Variants in FUNDC2 observed in about 807,000 individuals in gnomAD.
The protein encoded by FUNDC2 is FUN14 domain containing 2.
In FUNDC2, 4 loss-of-function variants were observed where a neutral mutation model predicts 15.6. That is an observed-to-expected ratio of 0.26 (90% CI 0.13 to 0.59). The LOEUF is 0.59. Among genes scored for constraint, FUNDC2 ranks in the 20% least tolerant of loss-of-function variants. The pLI is 0.90. For synonymous variants in FUNDC2, 44 were observed against 56.9 expected, an observed-to-expected ratio of 0.77 and a Z score of 1.02; for missense variants, 98 against 149.7, an observed-to-expected ratio of 0.65 and a Z score of 1.80.
chrX:155,040,246 C>T (rs1341880118), intron 2 of FUNDC2, among the ~76,000 whole-genome samples: 2 of 111,777 alleles, frequency 1.8e-5, no homozygotes, highest in African/African-American at 6.5e-5. Flanking sequence ...AGTACATTCA[C>T]AATATTGTAC....
chrX:155,037,424 G>T (rs1436717564), intron 2 of FUNDC2, among the ~76,000 whole-genome samples: 3 of 110,955 alleles, frequency 2.7e-5, no homozygotes, highest in Non-Finnish European at 5.7e-5. Context: ...AAATGATACA[G>T]ATTAACTCAG....
intron 1 of FUNDC2, among the ~76,000 whole-genome samples, chrX:155,030,683 CTTTTTT>C (rs369740085): frequency 1.2e-5 from 1 of 85,644 alleles, no homozygotes; most frequent in African/African-American, 4.4e-5. Context: ...CTATTTTCTA[CTTTTTT>C]TTTTTTTTTT....
chrX:155,055,088 A>C lies in FUNDC2; in HGVS notation c.*416A>C, dbSNP rs2073889970. The C allele has an allele frequency of 1.0e-5, 3 of 296,834 alleles. No homozygotes were observed. Among genetic ancestry groups the C allele is most frequent in the Non-Finnish European group, 1.8e-5 (3 of 170,166 alleles). 24.5% of individuals were successfully genotyped at this position (296,834 alleles called of 1,213,427 possible). Reference sequence around the variant, plus strand: ...TGTGCTGCATGGAAAGGAACTGAATACATTTGCCTTTAAGCATGAAAGATT... The same window carrying C: ...TGTGCTGCATGGAAAGGAACTGAATCCATTTGCCTTTAAGCATGAAAGATT... On this transcript the variant is annotated 3_prime_UTR_variant, in exon 5 of 5. Coordinates refer to ENST00000369498, the MANE Select transcript of FUNDC2 (RefSeq NM_023934.4).
intron 3 of FUNDC2, among the ~76,000 whole-genome samples, chrX:155,048,682 A>C (rs1159733081): frequency 8.9e-6 from 1 of 112,797 alleles, no homozygotes; most frequent in African/African-American, 3.2e-5. Context: ...CATTGGAACC[A>C]TGTAGATATC....
In FUNDC2 at chrX:155,058,397, G is replaced by A. The variant is rs1368616919; in HGVS notation, c.*3725G>A. 1.8e-5 allele frequency: 2 copies of A among 111,617 alleles called. No homozygotes were observed. The highest frequency in any genetic ancestry group is 6.5e-5 in the African/African-American group (2 of 30,595). The allele number at this position is 111,617 out of a possible 1,213,427, so 9.2% of individuals were successfully genotyped here. A position where few individuals can be genotyped will look rare whatever the true frequency, so the allele number is the denominator to read the frequency against. ...TGTCAGAAAGATGGGCATAACTAATGGTTGGGCTCTTATTTGGAACCTCTA... is the reference window on the plus strand; with the variant it reads ...TGTCAGAAAGATGGGCATAACTAATAGTTGGGCTCTTATTTGGAACCTCTA... On this transcript the variant is annotated 3_prime_UTR_variant, in exon 5 of 5. Coordinates refer to ENST00000369498, the MANE Select transcript of FUNDC2 (RefSeq NM_023934.4).
chrX:155,050,382 G>A (rs1335807866), intron 3 of FUNDC2: 2 of 111,818 alleles, frequency 1.8e-5, no homozygotes, highest in Non-Finnish European at 3.8e-5. Context: ...CAGTTTGGTG[G>A]TGCTTTGAAT....
chrX:155,032,329 C>T (rs1368092377), intron 1 of FUNDC2, among the ~76,000 whole-genome samples: 2 of 91,955 alleles, frequency 2.2e-5, no homozygotes, highest in Non-Finnish European at 4.2e-5. Context: ...TCTTGTTGCG[C>T]AGGCTAGAGT....
chrX:155,056,834 C>G lies in FUNDC2; in HGVS notation c.*2162C>G. ...TTGTCTTTTGGTGCATCTGTTTTTCCTGTGATTATTGGTGAGGGCAGCAAA... is the reference window on the plus strand; with the variant it reads ...TTGTCTTTTGGTGCATCTGTTTTTCGTGTGATTATTGGTGAGGGCAGCAAA... On this transcript the variant is annotated 3_prime_UTR_variant, in exon 5 of 5. Transcript: ENST00000369498. 9.0e-6 allele frequency: 1 copy of G among 111,667 alleles called. No homozygotes were observed. Among genetic ancestry groups the G allele is most frequent in the Non-Finnish European group, 1.9e-5 (1 of 53,133 alleles). The allele number at this position is 111,667 out of a possible 1,213,427, so 9.2% of individuals were successfully genotyped here.
At position 155,057,545 on chromosome X, in the gene FUNDC2, G is replaced by C. The variant is rs782088429; in HGVS notation, c.*2873G>C. On this transcript the variant is annotated 3_prime_UTR_variant, in exon 5 of 5. Coordinates refer to ENST00000369498, the MANE Select transcript of FUNDC2 (RefSeq NM_023934.4). ...GGTTTCATCGCCCCCTTGTGGCGGC[G>C]ACGTGGTAACACCGCACTCAAGGCT... 9.0e-6 allele frequency: 1 copy of C among 111,443 alleles called. No homozygotes were observed. Among genetic ancestry groups the C allele is most frequent in the Non-Finnish European group, 1.9e-5 (1 of 53,068 alleles). 9.2% of individuals were successfully genotyped at this position (111,443 alleles called of 1,213,427 possible). A position where few individuals can be genotyped will look rare whatever the true frequency, so the allele number is the denominator to read the frequency against.
At chrX:155,048,774 C>T (rs1238492864) in intron 3 of FUNDC2, among the ~76,000 whole-genome samples, 2 of 112,290 alleles carry the variant, frequency 1.8e-5, no homozygotes, top group African/African-American at 3.2e-5. Flanking sequence ...TTTGAATAGA[C>T]TTTTTATTAT....
intron 2 of FUNDC2, among the ~76,000 whole-genome samples, chrX:155,034,811 G>A (rs1437461846): frequency 1.8e-5 from 2 of 112,130 alleles, no homozygotes; most frequent in African/African-American, 6.5e-5. Context: ...ATTTCCCTGA[G>A]TAGGAGTGAC....
intron 1 of FUNDC2, among the ~76,000 whole-genome samples, chrX:155,027,567 G>C (rs2073798464): frequency 8.9e-6 from 1 of 112,120 alleles, no homozygotes; most frequent in Non-Finnish European, 1.9e-5. Flanking sequence ...ACGTCTTTAA[G>C]TTATGCGTCT....
intron 3 of FUNDC2, 87 bp downstream of exon 3, chrX:155,046,671 C>A: frequency 1.4e-6 from 1 of 698,907 alleles, no homozygotes; most frequent in Non-Finnish European, 2.3e-6. Flanking sequence ...ACAGTCCTGG[C>A]TATGTCACAC....
chrX:155,046,555 G>T lies in FUNDC2; in HGVS notation c.331G>T (p.Ala111Ser). ...FQKVGKLAAT[A>S]VGGGFFLLQL... is the part of the protein sequence containing the mutation. ...GAAGGTTGGAAAGTTGGCTGCAACAGCTGTGGGAGGTGGATTTTTTCTCCT... is the reference window on the plus strand; with the variant it reads ...GAAGGTTGGAAAGTTGGCTGCAACATCTGTGGGAGGTGGATTTTTTCTCCT... Residue 111 changes from alanine to serine, a missense_variant, in exon 3 of 5, where the codon GCT becomes TCT. By Grantham distance (99) the Ala-to-Ser change is moderately conservative. Transcript: ENST00000369498. The T allele has an allele frequency of 3.3e-6, 4 of 1,210,590 alleles. No individual in the cohort carries two copies. The South Asian group carries it at 7.0e-5, about 21-fold the overall frequency.
At chrX:155,029,248 A>G (rs1359220053) in intron 1 of FUNDC2, among the ~76,000 whole-genome samples, 3 of 112,125 alleles carry the variant, frequency 2.7e-5, no homozygotes, top group East Asian at 5.6e-4. Flanking sequence ...CCAGCCTGTA[A>G]GTCTTCTGGC....
Position 155,026,845 on chromosome X carries a change from A to G in FUNDC2, c.-94A>G. 2 of 1,125,541 alleles carry G rather than the reference A, an allele frequency of 1.8e-6. No homozygotes were observed. The highest frequency in any genetic ancestry group is 2.4e-6 in the Non-Finnish European group (2 of 849,495). The allele number at this position is 1,125,541 out of a possible 1,213,427, so 92.8% of individuals were successfully genotyped here. On this transcript the variant is annotated 5_prime_UTR_variant, in exon 1 of 5. Coordinates refer to ENST00000369498, the MANE Select transcript of FUNDC2 (RefSeq NM_023934.4). The stretch of plus-strand genomic sequence containing the variant: ...GTTGGGCGGGACCGCGGGGCCTGTG[A>G]CACCGCACGCTGAGCTCTGTGATGT...
intron 2 of FUNDC2, among the ~76,000 whole-genome samples, chrX:155,036,568 G>A (rs2073831228): frequency 9.0e-6 from 1 of 111,455 alleles, no homozygotes; most frequent in African/African-American, 3.3e-5. Context: ...CCTAATCCAG[G>A]GTCACCAAGA....
chrX:155,047,616 G>C (rs1375639662), intron 3 of FUNDC2, among the ~76,000 whole-genome samples: 17 of 111,287 alleles, frequency 1.5e-4, no homozygotes, highest in African/African-American at 5.6e-4. Flanking sequence ...TTGTGGATCA[G>C]AGTCTCATGT....
chrX:155,030,367 C>CAAAAAAAAAAA (rs1275771643), intron 1 of FUNDC2, among the ~76,000 whole-genome samples: 1 of 27,567 alleles, frequency 3.6e-5, no homozygotes, highest in Non-Finnish European at 6.5e-5. Context: ...CTCCTGTCTA[C>CAAAAAAAAAAA]AAAAAAAAAA....
Sources: gnomAD v4.1 joint callset for allele counts (sites outside exome capture counted in the v4.1 genomes callset) on GRCh38, gnomAD v4.1.1 for gene constraint, MANE v1.5 for transcripts, NCBI Gene and HGNC (gene_info 2026-07-23, HGNC 2026-07-21) for gene names.